Variants in TBC1D2 observed in about 807,000 individuals in gnomAD.
TBC1D2 encodes the protein TBC1 domain family member 2A.
TBC1D2 carries 58 observed loss-of-function variants against 91.1 expected under a neutral mutation model. The ratio of observed to expected loss-of-function variants is 0.64; its 90% CI spans 0.52 to 0.79. TBC1D2 has a LOEUF of 0.79. Ranked by LOEUF, TBC1D2 falls within the 30% of genes least tolerant of loss-of-function variation. The probability of loss-of-function intolerance (pLI) is 0.00; values close to 1 mark genes in which losing one functional copy is unlikely to be tolerated. For missense variants in TBC1D2, 1,080 were observed against 1,208.3 expected, an observed-to-expected ratio of 0.89 and a Z score of 1.57; for synonymous variants, 482 against 511.5, an observed-to-expected ratio of 0.94 and a Z score of 0.78.
In TBC1D2 at chr9:98,247,728, C is replaced by CAAAAA. The variant is rs58713846; in HGVS notation, c.512-3604_512-3600dup. Among the ~76,000 whole-genome samples the CAAAAA allele has an allele frequency of 1.4e-4, 10 of 70,826 alleles. 1 individual carries two copies. The highest frequency in any genetic ancestry group is 1.8e-4 in the Non-Finnish European group (6 of 33,430). 46.5% of individuals were successfully genotyped at this position (70,826 alleles called of 152,430 possible). The stretch of plus-strand genomic sequence containing the variant: ...TGGGTGACAGAGCGAGACTCCGTCT[C>CAAAAA]AAAAAAAAAAAAAAAAAAAAAAGCC... On this transcript the variant is annotated intron_variant, in intron 2 of 12. Coordinates refer to ENST00000465784, the MANE Select transcript of TBC1D2 (RefSeq NM_001267571.2).
intron 2 of TBC1D2, among the ~76,000 whole-genome samples, chr9:98,249,284 C>G (rs559215261): frequency 6.6e-6 from 1 of 152,190 alleles, no homozygotes; most frequent in African/African-American, 2.4e-5. Flanking sequence ...AGACTAGAAC[C>G]CAGGTCATCA....
At position 98,218,023 on chromosome 9, in the gene TBC1D2, TA is replaced by T. The variant is rs1229178777; in HGVS notation, c.1374+2809del. Among the ~76,000 whole-genome samples the T allele has an allele frequency of 5.9e-5, 9 of 152,204 alleles. No homozygotes were observed. In the East Asian group the frequency reaches 1.7e-3, roughly 30 times the overall value. ...GTGCTACTGTGCCTGGCTAATTTTT[TA>T]ATTTTTTGTAGAGATGAGATCTTGC... On this transcript the variant is annotated intron_variant, in intron 6 of 12. Coordinates refer to ENST00000465784, the MANE Select transcript of TBC1D2 (RefSeq NM_001267571.2).
intron 4 of TBC1D2, among the ~76,000 whole-genome samples, chr9:98,229,456 C>G (rs1395539442): frequency 2.0e-5 from 3 of 152,240 alleles, no homozygotes; most frequent in Non-Finnish European, 4.4e-5. Context: ...TCCCACCCAG[C>G]CTGCATTGGT....
chr9:98,255,428 G>T lies in TBC1D2; in HGVS notation c.114C>A (p.Ala38=), dbSNP rs764475151. The change falls in exon 1 of 13, where the codon GCC becomes GCA. Residue 38 remains alanine, a synonymous_variant. Coordinates refer to ENST00000465784, the MANE Select transcript of TBC1D2 (RefSeq NM_001267571.2). ...TCTTGGGGACCGCCTCCAGGGACCG[G>T]GCGCAGTCCCCCGATTCTTCCTCCG... ...PPPEEESGDC[A]RSLEAVPKKL... is the part of the protein sequence containing the mutation. The T allele has an allele frequency of 1.4e-5, 23 of 1,610,488 alleles. 1 individual carries two copies. In the South Asian group the frequency reaches 2.5e-4, roughly 18 times the overall value.
At position 98,233,471 on chromosome 9, in the gene TBC1D2, CTG is replaced by C; in HGVS notation, c.724_725del (p.Gln242GlufsTer14). 6.2e-7 allele frequency: 1 copy of C among 1,614,150 alleles called. No individual in the cohort carries two copies. Among genetic ancestry groups the C allele is most frequent in the South Asian group, 1.1e-5 (1 of 91,086 alleles). ...GHEPPGEDSP[Q>X]SGEPQREEQP... is the part of the protein sequence containing the mutation. ...GCTCCTCCCTCTGAGGCTCCCCACTCTGTGGAGAATCTTCCCCTGGAGGTTCA... is the reference window on the plus strand; with the variant it reads ...GCTCCTCCCTCTGAGGCTCCCCACTCTGGAGAATCTTCCCCTGGAGGTTCA... On this transcript the variant is annotated frameshift_variant, in exon 4 of 13. Coordinates refer to ENST00000465784, the MANE Select transcript of TBC1D2 (RefSeq NM_001267571.2). LOFTEE classifies it high-confidence loss of function.
intron 12 of TBC1D2, among the ~76,000 whole-genome samples, 155 bp from the exon 13 acceptor site, chr9:98,199,743 C>G (rs1287001989): frequency 6.6e-6 from 1 of 152,110 alleles, no homozygotes; most frequent in Non-Finnish European, 1.5e-5. Context: ...ATGATTTCCA[C>G]CCACAGAGAT....
Position 98,201,633 on chromosome 9 carries a change from G to A in TBC1D2, c.2303C>T (p.Ser768Leu), listed in dbSNP as rs202081816. 3.8e-5 allele frequency: 61 copies of A among 1,613,504 alleles called. No homozygotes were observed. The highest frequency in any genetic ancestry group is 5.3e-5 in the African/African-American group (4 of 74,912). The part of the protein sequence containing the change: ...VDQRVLQDLL[S>L]EKLPRLMAHL... Reference sequence around the variant, plus strand: ...GGCCATCAGCCTGGGCAGCTTCTCCGAGAGCAGGTCCTGGAGCACCCGCTG... The same window carrying A: ...GGCCATCAGCCTGGGCAGCTTCTCCAAGAGCAGGTCCTGGAGCACCCGCTG... The change falls in exon 11 of 13, where the codon TCG becomes TTG. Residue 768 changes from serine (S) to leucine (L), a missense_variant. Physicochemically the swap from Ser to Leu is moderately radical, Grantham distance 145 (BLOSUM62 -2). Coordinates refer to ENST00000465784, the MANE Select transcript of TBC1D2 (RefSeq NM_001267571.2).
chr9:98,209,710 C>CTTTTT (rs565949265), intron 8 of TBC1D2, among the ~76,000 whole-genome samples: 2 of 143,484 alleles, frequency 1.4e-5, no homozygotes, highest in Non-Finnish European at 3.1e-5. Flanking sequence ...TTGCCTAAAT[C>CTTTTT]TTTTTTTTTT....
chr9:98,216,329 C>T (rs1208658176), intron 6 of TBC1D2, among the ~76,000 whole-genome samples: 2 of 151,586 alleles, frequency 1.3e-5, no homozygotes, highest in African/African-American at 2.4e-5. Flanking sequence ...CCCCCTCAGT[C>T]GGCTCACAGA....
chr9:98,216,882 AT>A (rs1828982866), intron 6 of TBC1D2, among the ~76,000 whole-genome samples: 1 of 152,018 alleles, frequency 6.6e-6, no homozygotes, highest in South Asian at 2.1e-4. Flanking sequence ...TTAATTTTTA[AT>A]TTTTTAAAAA....
intron 9 of TBC1D2, among the ~76,000 whole-genome samples, chr9:98,205,591 G>A (rs1237496889): frequency 1.3e-5 from 2 of 151,060 alleles, no homozygotes; most frequent in South Asian, 2.1e-4. Flanking sequence ...CTGTTGCCCA[G>A]GCTAGAGTGC....
At position 98,228,478 on chromosome 9, in the gene TBC1D2, C is replaced by T. The variant is rs1156855666; in HGVS notation, c.978+474G>A. On this transcript the variant is annotated intron_variant, in intron 5 of 12. Coordinates refer to ENST00000465784, the MANE Select transcript of TBC1D2 (RefSeq NM_001267571.2). This position sits in a 1 kb window ranked among gnomAD's most constrained non-coding sequence, Gnocchi z 4.0. ...TTCCTTTCACTGTTTCTGTGTTGGT[C>T]CTGGCTTAGCCCTGGGCCACACACA... Among the ~76,000 whole-genome samples the T allele has an allele frequency of 2.0e-5, 3 of 152,174 alleles. No individual in the cohort carries two copies. Among genetic ancestry groups the T allele is most frequent in the African/African-American group, 7.2e-5 (3 of 41,436 alleles).
intron 3 of TBC1D2, chr9:98,235,469 G>T: frequency 2.1e-6 from 1 of 468,966 alleles, no homozygotes. Flanking sequence ...TGCTATTCAG[G>T]ATAAAGAAAT....
intron 3 of TBC1D2, among the ~76,000 whole-genome samples, chr9:98,234,447 G>C (rs895119574): frequency 1.3e-5 from 2 of 152,214 alleles, no homozygotes; most frequent in African/African-American, 4.8e-5. Context: ...GGAAAATGAT[G>C]AAAGGAGTTC....
In TBC1D2 at chr9:98,213,156, T is replaced by C. The variant is rs1828891515; in HGVS notation, c.1437A>G (p.Thr479=). ...CFLNSEIHQV[T]KIWRKVAEKE... ...TCTCAGCCACCTTTCTCCAGATCTTTGTGACCTGGTGGATCTCGGAGTTGA... is the reference window on the plus strand; with the variant it reads ...TCTCAGCCACCTTTCTCCAGATCTTCGTGACCTGGTGGATCTCGGAGTTGA... The change falls in exon 7 of 13, where the codon ACA becomes ACG. Residue 479 remains threonine, a synonymous_variant. Coordinates refer to ENST00000465784, the MANE Select transcript of TBC1D2 (RefSeq NM_001267571.2). 1 of 1,614,062 alleles carries C rather than the reference T, an allele frequency of 6.2e-7. No individual in the cohort carries two copies. The highest frequency in any genetic ancestry group is 1.7e-5 in the Admixed American group (1 of 59,996).
chr9:98,201,097 G>A (rs1828485746), intron 11 of TBC1D2, among the ~76,000 whole-genome samples: 1 of 152,064 alleles, frequency 6.6e-6, no homozygotes, highest in Non-Finnish European at 1.5e-5. Flanking sequence ...CTGAGTTGGG[G>A]GACCTGCCCA....
intron 3 of TBC1D2, among the ~76,000 whole-genome samples, chr9:98,240,352 T>A (rs7853312): frequency 0.29 from 44,161 of 152,184 alleles, 10,547 homozygotes; most frequent in African/African-American, 0.66. Context: ...GTAATTACTA[T>A]GGTGTCCTGT....
chr9:98,244,193 G>A (rs1309675048), intron 2 of TBC1D2, 64 bp from the exon 3 acceptor site: 3 of 1,590,698 alleles, frequency 1.9e-6, no homozygotes, highest in East Asian at 4.5e-5. Flanking sequence ...CAGGTCAGGT[G>A]GGATGCTATG....
chr9:98,218,860 C>T (rs1374895159), intron 6 of TBC1D2, among the ~76,000 whole-genome samples: 1 of 152,300 alleles, frequency 6.6e-6, no homozygotes, highest in Admixed American at 6.5e-5. Flanking sequence ...ATCTTTCTGA[C>T]CCCTGTGCTG....
Sources: allele counts gnomAD v4.1 joint callset (sites outside exome capture counted in the v4.1 genomes callset), GRCh38; gene constraint gnomAD v4.1.1; non-coding constraint Gnocchi (gnomAD v3.1); transcripts MANE v1.5; gene names NCBI Gene and HGNC (gene_info 2026-07-23, HGNC 2026-07-21).